KCNJ15: variants seen among roughly 807,000 people sequenced by gnomAD.
KCNJ15 encodes ATP-sensitive inward rectifier potassium channel 15.
In KCNJ15, 14 loss-of-function variants were observed where a neutral mutation model predicts 23.0. That is an observed-to-expected ratio of 0.61 (90% CI 0.40 to 0.95). KCNJ15 has a LOEUF of 0.95. Among genes scored for constraint, KCNJ15 ranks in the 40% least tolerant of loss-of-function variants. The pLI, the probability that KCNJ15 is intolerant of heterozygous loss-of-function variation, is 0.00. For missense variants in KCNJ15, 388 were observed against 461.8 expected (o/e 0.84, Z 1.46); for synonymous variants, 185 against 183.2 (o/e 1.01, Z -0.08).
intron 1 of KCNJ15, among the ~76,000 whole-genome samples, chr21:38,240,920 T>C (rs1163966346): frequency 6.6e-6 from 1 of 152,162 alleles, no homozygotes; most frequent in African/African-American, 2.4e-5. Context: ...CAGCCACTGG[T>C]GTTCTGCTTA....
At chr21:38,290,884 C>A (rs1415719062) in intron 1 of KCNJ15, among the ~76,000 whole-genome samples, 1 of 151,898 alleles carries the variant, frequency 6.6e-6, no homozygotes, top group African/African-American at 2.4e-5. Flanking sequence ...GGCTCAGTAA[C>A]CTTGAACAAG....
chr21:38,259,254 G>T (rs978328583), intron 1 of KCNJ15, among the ~76,000 whole-genome samples: 2 of 152,134 alleles, frequency 1.3e-5, no homozygotes, highest in African/African-American at 4.8e-5. Flanking sequence ...CAGAGTCCAG[G>T]ATTGCTTATG....
Position 38,300,060 on chromosome 21 carries a change from C to T in KCNJ15, c.799C>T (p.Leu267Phe), listed in dbSNP as rs1160508600. Residue 267 changes from leucine (L) to phenylalanine (F), a missense_variant, in exon 3 of 3, where the codon CTC becomes TTC. Transcript: ENST00000398938. Reference protein sequence around the residue: ...VLDETSPLRDLTPQNLKEKEF... With the variant: ...VLDETSPLRDFTPQNLKEKEF... ...GGATGAGACGAGCCCCCTGAGAGACCTCACACCCCAAAACCTAAAGGAGAA... is the reference window on the plus strand; with the variant it reads ...GGATGAGACGAGCCCCCTGAGAGACTTCACACCCCAAAACCTAAAGGAGAA... 1 of 1,613,984 alleles carries T rather than the reference C, an allele frequency of 6.2e-7. No individual in the cohort carries two copies. The highest frequency in any genetic ancestry group is 8.5e-7 in the Non-Finnish European group (1 of 1,180,012).
Position 38,300,393 on chromosome 21 carries a change from C to T in KCNJ15, c.*4C>T. ...ATTACAACAGAGCAATGTCTGATCA[C>T]AGGGGCGCCATCCAGGTTTAACCCT... On this transcript the variant is annotated 3_prime_UTR_variant, in exon 3 of 3. Coordinates refer to ENST00000398938, the MANE Select transcript of KCNJ15 (RefSeq NM_170736.3). 1 of 1,591,900 alleles carries T rather than the reference C, an allele frequency of 6.3e-7. No individual in the cohort carries two copies. The highest frequency in any genetic ancestry group is 8.6e-7 in the Non-Finnish European group (1 of 1,166,980).
chr21:38,296,141 A>G (rs898875328), intron 1 of KCNJ15, among the ~76,000 whole-genome samples: 1 of 152,234 alleles, frequency 6.6e-6, no homozygotes, highest in Non-Finnish European at 1.5e-5. Flanking sequence ...TAATAGATCA[A>G]TAATTGACAG....
intron 1 of KCNJ15, among the ~76,000 whole-genome samples, chr21:38,265,902 G>A (rs1981412137): frequency 6.6e-6 from 1 of 152,204 alleles, no homozygotes; most frequent in African/African-American, 2.4e-5. Flanking sequence ...GGACATTTGA[G>A]ATGTGCCTTG....
At chr21:38,249,316 A>G (rs140495568) in intron 1 of KCNJ15, among the ~76,000 whole-genome samples, 302 of 152,304 alleles carry the variant, frequency 2.0e-3, no homozygotes, top group Admixed American at 4.6e-3. Flanking sequence ...ACTAGGTGAT[A>G]TATGTTATTT....
At chr21:38,271,059 T>G (rs1226604983) in intron 1 of KCNJ15, among the ~76,000 whole-genome samples, 1 of 152,186 alleles carries the variant, frequency 6.6e-6, no homozygotes, top group Non-Finnish European at 1.5e-5. Flanking sequence ...GCCAGCAGGG[T>G]TTCTGCTAAG....
chr21:38,236,570 G>T (rs151259984), intron 1 of KCNJ15, among the ~76,000 whole-genome samples: 1 of 152,152 alleles, frequency 6.6e-6, no homozygotes, highest in Non-Finnish European at 1.5e-5. Flanking sequence ...TCCCAAGTCA[G>T]ATGCTTTGTT....
chr21:38,265,021 T>C (rs1222268892), intron 1 of KCNJ15, among the ~76,000 whole-genome samples: 3 of 152,146 alleles, frequency 2.0e-5, no homozygotes, highest in African/African-American at 7.2e-5. Context: ...AAAGAAAGAA[T>C]ATACTGCAAT....
chr21:38,248,114 C>T (rs1469158382), intron 1 of KCNJ15, among the ~76,000 whole-genome samples: 3 of 152,196 alleles, frequency 2.0e-5, no homozygotes, highest in Admixed American at 1.3e-4. Context: ...CAGCAAATAG[C>T]AGACATATCT....
upstream of KCNJ15, chr21:38,256,890 C>T (rs1980293644): frequency 6.6e-6 from 1 of 151,082 alleles, no homozygotes; most frequent in African/African-American, 2.5e-5. Flanking sequence ...CTCTCTCTGT[C>T]TCTCACTTTC....
At chr21:38,237,882 C>T (rs749844308) in intron 1 of KCNJ15, among the ~76,000 whole-genome samples, 11 of 152,128 alleles carry the variant, frequency 7.2e-5, no homozygotes, top group Non-Finnish European at 1.3e-4. Context: ...ATATGGGCAT[C>T]CTAAAGATCC....
rs139156070 is a variant in KCNJ15 at position 38,257,841 on chromosome 21, G to A, written c.-117+656G>A. Among the ~76,000 whole-genome samples, 217 of 152,210 alleles carry A rather than the reference G, an allele frequency of 1.4e-3. 1 individual carries two copies. Among genetic ancestry groups the A allele is most frequent in the African/African-American group, 5.0e-3 (208 of 41,520 alleles). On this transcript the variant is annotated intron_variant, in intron 1 of 2. Transcript: ENST00000398938. ...TTATACTGGGTGAAATTTCCACATT[G>A]CTCCTGTAACGCCAACGTTTGTCTC...
At chr21:38,288,018 G>GTTTT (rs1395005811) in intron 1 of KCNJ15, among the ~76,000 whole-genome samples, 3 of 26,016 alleles carry the variant, frequency 1.2e-4, no homozygotes, top group Non-Finnish European at 3.1e-4. Context: ...TAAATAACTT[G>GTTTT]TTTTTTTCTT....
At chr21:38,290,458 G>A (rs1459477138) in intron 1 of KCNJ15, among the ~76,000 whole-genome samples, 1 of 152,114 alleles carries the variant, frequency 6.6e-6, no homozygotes, top group Non-Finnish European at 1.5e-5. Flanking sequence ...ATTATTACAT[G>A]CTCACATGCA....
chr21:38,290,307 C>T (rs539644572), intron 1 of KCNJ15, among the ~76,000 whole-genome samples: 2 of 151,924 alleles, frequency 1.3e-5, no homozygotes, highest in South Asian at 4.2e-4. Context: ...GAATTCGCAT[C>T]GAGGAGTAAA....
At chr21:38,239,103 A>G (rs1978816538) in intron 1 of KCNJ15, among the ~76,000 whole-genome samples, 1 of 152,180 alleles carries the variant, frequency 6.6e-6, no homozygotes, top group African/African-American at 2.4e-5. Flanking sequence ...GAAAAGATCT[A>G]TGTTTATGGT....
At chr21:38,236,431 T>A (rs1445750339) in intron 1 of KCNJ15, among the ~76,000 whole-genome samples, 4 of 152,184 alleles carry the variant, frequency 2.6e-5, no homozygotes, top group Non-Finnish European at 5.9e-5. Context: ...AAGCCTGTAT[T>A]CTCCTCTGTC....
Sources: allele counts gnomAD v4.1 joint callset (sites outside exome capture counted in the v4.1 genomes callset), GRCh38; gene constraint gnomAD v4.1.1; transcripts MANE v1.5; gene names NCBI Gene and HGNC (gene_info 2026-07-23, HGNC 2026-07-21).